CDH12: variants seen among roughly 807,000 people sequenced by gnomAD.
The protein encoded by CDH12 is cadherin 12.
Under a neutral mutation model 74.1 loss-of-function variants are expected in CDH12, and 41 were observed. That is an observed-to-expected ratio of 0.55 (90% CI 0.43 to 0.72). CDH12 has a LOEUF of 0.72. CDH12 is among the 30% of genes least tolerant of loss of function. CDH12 has a pLI of 0.00. For missense variants in CDH12, 945 were observed against 977.2 expected (o/e 0.97, Z 0.44); for synonymous variants, 399 against 355.0 (o/e 1.12, Z -1.39).
intron 11 of CDH12, among the ~76,000 whole-genome samples, chr5:21,782,680 G>A (rs1165221869): frequency 1.3e-5 from 2 of 152,106 alleles, no homozygotes; most frequent in East Asian, 1.9e-4. Context: ...AGAGCCAAAC[G>A]TCACCACTTT....
intron 5 of CDH12, among the ~76,000 whole-genome samples, chr5:21,986,863 T>G (rs1255498322): frequency 6.6e-6 from 1 of 152,124 alleles, no homozygotes; most frequent in Non-Finnish European, 1.5e-5. Flanking sequence ...CTATGTTAAA[T>G]GCCTTATAAG....
chr5:22,451,402 C>T lies in CDH12; in HGVS notation c.-427-46051G>A, dbSNP rs562248880. Among the ~76,000 whole-genome samples the T allele has an allele frequency of 1.3e-4, 20 of 151,938 alleles. 2 individuals are homozygous for T. In the South Asian group the frequency reaches 2.7e-3, roughly 20 times the overall value. ...CCAACCAAGATTCATCCCAGCAATG[C>T]GAGGATGGTTCACTATATGCAAATC... On this transcript the variant is annotated intron_variant, in intron 2 of 14. Coordinates refer to ENST00000382254, the MANE Select transcript of CDH12 (RefSeq NM_004061.5).
At chr5:22,326,051 T>C (rs1399127814) in intron 3 of CDH12, among the ~76,000 whole-genome samples, 1 of 152,116 alleles carries the variant, frequency 6.6e-6, no homozygotes, top group Non-Finnish European at 1.5e-5. Context: ...TTATAAGAGG[T>C]CAATATCATA....
intron 1 of CDH12, among the ~76,000 whole-genome samples, chr5:22,769,333 ATC>A: frequency 1.3e-5 from 2 of 152,174 alleles, no homozygotes; most frequent in Non-Finnish European, 1.5e-5. Flanking sequence ...TGTGGTTTTT[ATC>A]TTTCTCCGTC....
intron 3 of CDH12, among the ~76,000 whole-genome samples, chr5:22,316,917 C>A (rs2968384): frequency 2.0e-5 from 3 of 151,796 alleles, no homozygotes; most frequent in Non-Finnish European, 4.4e-5. Context: ...TGGCTTTACT[C>A]TAAGATCATG....
chr5:22,586,291 G>C (rs1740396988), intron 1 of CDH12, among the ~76,000 whole-genome samples: 1 of 151,946 alleles, frequency 6.6e-6, no homozygotes, highest in Non-Finnish European at 1.5e-5. Context: ...TGAACAATGA[G>C]AACACTTGGA....
intron 8 of CDH12, among the ~76,000 whole-genome samples, chr5:21,827,989 A>G (rs956035684): frequency 3.9e-5 from 6 of 152,176 alleles, no homozygotes; most frequent in African/African-American, 1.4e-4. Flanking sequence ...CCATTTAACA[A>G]TATATGGTAA....
At chr5:22,542,229 C>T (rs1367755277) in intron 1 of CDH12, among the ~76,000 whole-genome samples, 1 of 152,120 alleles carries the variant, frequency 6.6e-6, no homozygotes, top group Non-Finnish European at 1.5e-5. Context: ...GGTGTTTTTA[C>T]TGACATATGA....
At position 21,834,354 on chromosome 5, in the gene CDH12, G is replaced by A. The variant is rs374376971; in HGVS notation, c.814+7807C>T. Among the ~76,000 whole-genome samples the A allele has an allele frequency of 2.4e-4, 36 of 151,874 alleles. 1 individual carries two copies. The East Asian group carries it at 3.5e-3, about 15-fold the overall frequency. ...TATCTTTGGGAAGTATTGACCAAAA[G>A]GGTAATATATTCATGTACAGTATCT... On this transcript the variant is annotated intron_variant, in intron 8 of 14. Coordinates refer to ENST00000382254, the MANE Select transcript of CDH12 (RefSeq NM_004061.5).
At chr5:22,811,242 G>A (rs1486734430) in intron 1 of CDH12, among the ~76,000 whole-genome samples, 1 of 152,056 alleles carries the variant, frequency 6.6e-6, no homozygotes, top group Non-Finnish European at 1.5e-5. Context: ...ATATAGAGAA[G>A]AGGAAAGCGA....
intron 3 of CDH12, among the ~76,000 whole-genome samples, chr5:22,372,139 G>A (rs1021405776): frequency 1.3e-5 from 2 of 152,118 alleles, no homozygotes; most frequent in Admixed American, 6.6e-5. Context: ...ATGCTAACCA[G>A]TTAAGATTTC....
At chr5:22,482,202 T>C (rs1746409959) in intron 2 of CDH12, among the ~76,000 whole-genome samples, 1 of 152,168 alleles carries the variant, frequency 6.6e-6, no homozygotes, top group African/African-American at 2.4e-5. Flanking sequence ...TAGGCCGTCA[T>C]ATTTCAGATA....
At chr5:22,499,395 A>G (rs7727099) in intron 2 of CDH12, among the ~76,000 whole-genome samples, 13,040 of 152,234 alleles carry the variant, frequency 0.086, 759 homozygotes, top group Non-Finnish European at 0.13. Flanking sequence ...CTTAGTTTAC[A>G]TGGCAGAAAA....
At chr5:21,928,169 A>G (rs1468958016) in intron 6 of CDH12, among the ~76,000 whole-genome samples, 5 of 152,230 alleles carry the variant, frequency 3.3e-5, no homozygotes, top group African/African-American at 1.2e-4. Context: ...TGCCATCTTT[A>G]TAGATATTGA....
chr5:22,807,845 T>C (rs1243280870), intron 1 of CDH12, among the ~76,000 whole-genome samples: 1 of 152,166 alleles, frequency 6.6e-6, no homozygotes, highest in Non-Finnish European at 1.5e-5. Flanking sequence ...GTGTCAGGAA[T>C]GAATGATAAG....
chr5:22,647,062 T>G (rs775331280), intron 1 of CDH12, among the ~76,000 whole-genome samples: 2 of 151,872 alleles, frequency 1.3e-5, no homozygotes, highest in Non-Finnish European at 2.9e-5. Context: ...GGGGATAGTT[T>G]CATAATGTGA....
At chr5:22,611,470 C>G (rs980160949) in intron 1 of CDH12, among the ~76,000 whole-genome samples, 2 of 152,086 alleles carry the variant, frequency 1.3e-5, no homozygotes, top group Non-Finnish European at 2.9e-5. Flanking sequence ...ACAAATGGTT[C>G]TCCCAGTCTC....
intron 5 of CDH12, among the ~76,000 whole-genome samples, chr5:22,073,788 C>T (rs1041751616): frequency 6.6e-6 from 1 of 152,078 alleles, no homozygotes; most frequent in Non-Finnish European, 1.5e-5. Context: ...GTTGTTGAAG[C>T]TAATGTCACC....
Position 21,842,187 on chromosome 5 carries a change from T to C in CDH12, c.788A>G (p.Asn263Ser). The C allele has an allele frequency of 1.2e-6, 2 of 1,612,302 alleles. No individual in the cohort carries two copies. The highest frequency in any genetic ancestry group is 1.7e-6 in the Non-Finnish European group (2 of 1,179,348). ...TIVNITLTDV[N>S]DNPPRFPKSI... ...TTTGGGGAATCGAGGTGGATTGTCA[T>C]TGACATCGGTGAGAGTGATGTTGAC... The change falls in exon 8 of 15, where the codon AAT becomes AGT. Residue 263 changes from asparagine to serine, a missense_variant. Physicochemically the swap from Asn to Ser is conservative, Grantham distance 46. This residue lies in a region of CDH12 where 791 missense variants were observed against 792.8 expected (regional missense o/e 1.00). Transcript: ENST00000382254.
Sources: gnomAD v4.1 joint callset for allele counts (sites outside exome capture counted in the v4.1 genomes callset) on GRCh38, gnomAD v4.1.1 for gene constraint, gnomAD v4.1.1 regional missense constraint, MANE v1.5 for transcripts, NCBI Gene and HGNC (gene_info 2026-07-23, HGNC 2026-07-21) for gene names.